MAP3K2: variants seen among roughly 807,000 people sequenced by gnomAD.
MAP3K2 encodes MAP/ERK kinase kinase 2.
A neutral mutation model predicts 80.3 loss-of-function variants in MAP3K2; 24 were observed. The ratio of observed to expected loss-of-function variants is 0.30; its 90% CI spans 0.22 to 0.42. MAP3K2 has a LOEUF of 0.42. Ranked by LOEUF, MAP3K2 falls within the 10% of genes least tolerant of loss-of-function variation. MAP3K2 has a pLI of 1.00. For synonymous variants in MAP3K2, 244 were observed against 253.7 expected, an observed-to-expected ratio of 0.96 and a Z score of 0.36; for missense variants, 608 against 750.1, an observed-to-expected ratio of 0.81 and a Z score of 2.21.
At chr2:127,351,864 C>T (rs1686696576) in intron 1 of MAP3K2, among the ~76,000 whole-genome samples, 1 of 151,746 alleles carries the variant, frequency 6.6e-6, no homozygotes, top group Admixed American at 6.6e-5. Flanking sequence ...TTCCCTACTT[C>T]TTGTTTTTTT....
chr2:127,383,775 A>G (rs1687293075), intron 1 of MAP3K2, among the ~76,000 whole-genome samples: 1 of 152,192 alleles, frequency 6.6e-6, no homozygotes, highest in African/African-American at 2.4e-5. Flanking sequence ...TGAGCAACAC[A>G]TTGAGATGCT....
chr2:127,334,376 T>C (rs573882024), intron 5 of MAP3K2, among the ~76,000 whole-genome samples: 91 of 152,310 alleles, frequency 6.0e-4, no homozygotes, highest in Non-Finnish European at 8.8e-4. Flanking sequence ...AAAAAAGATA[T>C]GTCTAGGCTC....
intron 7 of MAP3K2, among the ~76,000 whole-genome samples, chr2:127,327,267 A>G (rs1202106575): frequency 1.3e-5 from 2 of 152,208 alleles, no homozygotes; most frequent in Non-Finnish European, 2.9e-5. Context: ...GTTCTGGTCC[A>G]ATTTAAAGCA....
chr2:127,348,085 G>T (rs1303096574), intron 1 of MAP3K2, among the ~76,000 whole-genome samples: 1 of 152,100 alleles, frequency 6.6e-6, no homozygotes, highest in Non-Finnish European at 1.5e-5. Flanking sequence ...ATATCCATAT[G>T]ATGAAATATT....
At chr2:127,350,454 C>CAAAAAAAAAAAAAAAAAAA (rs752516255) in intron 1 of MAP3K2, among the ~76,000 whole-genome samples, 16 of 99,270 alleles carry the variant, frequency 1.6e-4, no homozygotes, top group Non-Finnish European at 2.2e-4. Context: ...AAAACAAAAA[C>CAAAAAAAAAAAAAAAAAAA]AAAAAAAAAA....
intron 1 of MAP3K2, among the ~76,000 whole-genome samples, chr2:127,368,365 G>A (rs1687008278): frequency 6.6e-6 from 1 of 151,874 alleles, no homozygotes; most frequent in African/African-American, 2.4e-5. Context: ...GCTCACACCT[G>A]TAATCCCAGC....
Position 127,308,685 on chromosome 2 carries a change from A to G in MAP3K2, c.1534T>C (p.Cys512Arg). The G allele has an allele frequency of 1.2e-6, 2 of 1,614,008 alleles. No individual in the cohort carries two copies. Among genetic ancestry groups the G allele is most frequent in the South Asian group, 2.2e-5 (2 of 91,078 alleles). The change falls in exon 16 of 17, where the codon TGT (cysteine) becomes CGT (arginine). Residue 512 changes from cysteine (C) to arginine (R), a missense_variant. Cys to Arg is a radical substitution (Grantham distance 180). Transcript: ENST00000682094. ...GACTTCATTCCTGTCCCTGAGAGAC[A>G]GATGGTCTGAAGCCGTTTGCTGGCC... ...FGASKRLQTI[C>R]LSGTGMKSVT...
chr2:127,325,675 A>G, intron 9 of MAP3K2, 53 bp downstream of exon 9: 1 of 1,434,558 alleles, frequency 7.0e-7, no homozygotes, highest in African/African-American at 1.4e-5. Flanking sequence ...GTGACAGCAA[A>G]ACTCTGTCTC....
Position 127,337,776 on chromosome 2 carries a change from A to G in MAP3K2, c.126T>C (p.Asn42=). 6.6e-7 allele frequency: 1 copy of G among 1,524,172 alleles called. No homozygotes were observed. Among genetic ancestry groups the G allele is most frequent in the Non-Finnish European group, 8.9e-7 (1 of 1,123,726 alleles). The allele number at this position is 1,524,172 out of a possible 1,614,324, so 94.4% of individuals were successfully genotyped here. ...KAKSSSPKKQ[N]DVRVKFEHRG... Reference sequence around the variant, plus strand: ...TATGTTCAAATTTGACTCGGACATCATTCTGTAATGAAATGACAAATCAGT... The same window carrying G: ...TATGTTCAAATTTGACTCGGACATCGTTCTGTAATGAAATGACAAATCAGT... Residue 42 remains asparagine, a splice_region_variant and synonymous_variant, in exon 4 of 17, where the codon AAT becomes AAC. Transcript: ENST00000682094.
rs1264676533 is a variant in MAP3K2, at chr2:127,366,510, A to G, written c.-66+20942T>C. 3.3e-5 allele frequency among the ~76,000 whole-genome samples: 5 copies of G among 152,296 alleles called. No homozygotes were observed. In the East Asian group the frequency reaches 7.7e-4, roughly 23 times the overall value. ...GAAATAAAAAATTCTGAGAAGAAAA[A>G]TATTTCGTGATGTATAGTTTGTCCC... On this transcript the variant is annotated intron_variant, in intron 1 of 16. Transcript: ENST00000682094.
At position 127,314,850 on chromosome 2, in the gene MAP3K2, C is replaced by G; in HGVS notation, c.1360G>C (p.Ala454Pro). Reference protein sequence around the residue: ...SIKDQLKAYGALTENVTRKYT... With the variant: ...SIKDQLKAYGPLTENVTRKYT... ...TTCCTAGTCACATTCTCAGTAAGAG[C>G]GCCATATGCTTTTAATTGGTCCTTA... Residue 454 changes from alanine (A) to proline (P), a missense_variant, in exon 15 of 17, where the codon GCT becomes CCT. Coordinates refer to ENST00000682094, the MANE Select transcript of MAP3K2 (RefSeq NM_001371910.2). The G allele has an allele frequency of 1.9e-6, 3 of 1,610,488 alleles. No homozygotes were observed. Among genetic ancestry groups the G allele is most frequent in the Non-Finnish European group, 2.5e-6 (3 of 1,177,302 alleles).
chr2:127,325,868 A>G, intron 8 of MAP3K2, 61 bp from the exon 9 acceptor site: 1 of 1,124,124 alleles, frequency 8.9e-7, no homozygotes, highest in Non-Finnish European at 1.3e-6. Context: ...TGCTTATTAA[A>G]AAAACCTGCC....
chr2:127,307,399 T>TA lies in MAP3K2; in HGVS notation c.*179dup. The TA allele has an allele frequency of 2.6e-6, 1 of 389,186 alleles. No individual in the cohort carries two copies. The highest frequency in any genetic ancestry group is 4.0e-5 in the East Asian group (1 of 25,164). The allele number at this position is 389,186 out of a possible 1,614,324, so 24.1% of individuals were successfully genotyped here. ...TTGTAAGGGAAAAAAAGATTAAATATAAAAAATTTAGGATATTATTATTAT... is the reference window on the plus strand; with the variant it reads ...TTGTAAGGGAAAAAAAGATTAAATATAAAAAAATTTAGGATATTATTATTAT... On this transcript the variant is annotated 3_prime_UTR_variant, in exon 17 of 17. Transcript: ENST00000682094. The surrounding 1 kb of genome is among the most constrained non-coding windows in gnomAD (Gnocchi z 5.4).
In MAP3K2 at chr2:127,365,116, C is replaced by CAAAAAAAAAAAAAAAAA. The variant is rs10558890; in HGVS notation, c.-65-21939_-65-21923dup. 3.5e-4 allele frequency among the ~76,000 whole-genome samples: 11 copies of CAAAAAAAAAAAAAAAAA among 31,656 alleles called. 3 individuals carry two copies. The highest frequency in any genetic ancestry group is 5.2e-4 in the Non-Finnish European group (9 of 17,146). The allele number at this position is 31,656 out of a possible 152,430, so 20.8% of individuals were successfully genotyped here. A position where few individuals can be genotyped will look rare whatever the true frequency, so the allele number is the denominator to read the frequency against. On this transcript the variant is annotated intron_variant, in intron 1 of 16. Coordinates refer to ENST00000682094, the MANE Select transcript of MAP3K2 (RefSeq NM_001371910.2). ...TGGGCGACAGAGTGAGACTCTGCCT[C>CAAAAAAAAAAAAAAAAA]AAAAAAAAAAAAAAAAAAAAAAAAA...
intron 1 of MAP3K2, among the ~76,000 whole-genome samples, chr2:127,358,118 C>A (rs1686825884): frequency 6.6e-6 from 1 of 152,026 alleles, no homozygotes; most frequent in Non-Finnish European, 1.5e-5. Flanking sequence ...ACTCTTACAA[C>A]CCAACAAAAA....
upstream of MAP3K2, chr2:127,388,270 T>C (rs932806766): frequency 3.0e-5 from 30 of 984,736 alleles, no homozygotes; most frequent in African/African-American, 5.1e-4. Context: ...GAGCCTGCGG[T>C]AGTGGCCAGA....
chr2:127,354,239 T>TAAA (rs56904810), intron 1 of MAP3K2, among the ~76,000 whole-genome samples: 2 of 113,678 alleles, frequency 1.8e-5, no homozygotes, highest in Non-Finnish European at 3.4e-5. Context: ...GAATGATCAA[T>TAAA]AAAAAAAAAA....
intron 1 of MAP3K2, among the ~76,000 whole-genome samples, chr2:127,369,092 C>A (rs1159575367): frequency 7.4e-6 from 1 of 135,418 alleles, no homozygotes; most frequent in Admixed American, 7.7e-5. Context: ...GGATTACAGG[C>A]ACGCATCACC....
rs1045854405 is a variant in MAP3K2, at chr2:127,299,996, T to C, written c.*7583A>G. The C allele has an allele frequency of 2.0e-5, 3 of 151,930 alleles. No individual in the cohort carries two copies. The highest frequency in any genetic ancestry group is 4.8e-5 in the African/African-American group (2 of 41,392). 9.4% of individuals were successfully genotyped at this position (151,930 alleles called of 1,614,324 possible). ...ATCCCCTGATACACAGTTAAAAGCATACTTTCAACTTAGTAATGGATTTTA... is the reference window on the plus strand; with the variant it reads ...ATCCCCTGATACACAGTTAAAAGCACACTTTCAACTTAGTAATGGATTTTA... On this transcript the variant is annotated 3_prime_UTR_variant, in exon 17 of 17. Coordinates refer to ENST00000682094, the MANE Select transcript of MAP3K2 (RefSeq NM_001371910.2).
Sources: gnomAD v4.1 joint callset for allele counts (sites outside exome capture counted in the v4.1 genomes callset) on GRCh38, gnomAD v4.1.1 for gene constraint, Gnocchi (gnomAD v3.1) non-coding constraint, MANE v1.5 for transcripts, NCBI Gene and HGNC (gene_info 2026-07-23, HGNC 2026-07-21) for gene names.